The following YLPM1 variants were observed in gnomAD, a reference collection of about 807,000 sequenced individuals.
The protein encoded by YLPM1 is YLP motif-containing protein 1.
A neutral mutation model predicts 230.0 loss-of-function variants in YLPM1; 99 were observed. The observed-to-expected ratio is 0.43, with a 90% CI of 0.37 to 0.51. YLPM1 has a LOEUF of 0.51. YLPM1 is among the 20% of genes least tolerant of loss of function. The probability of loss-of-function intolerance (pLI) is 0.00; values close to 1 mark genes in which losing one functional copy is unlikely to be tolerated. For synonymous variants in YLPM1, 984 were observed against 942.5 expected (o/e 1.04, Z -0.81); for missense variants, 2,592 against 2,707.7 (o/e 0.96, Z 0.95).
chr14:74,806,417 C>G (rs2091378916), intron 6 of YLPM1, among the ~76,000 whole-genome samples: 1 of 152,060 alleles, frequency 6.6e-6, no homozygotes, highest in South Asian at 2.1e-4. Flanking sequence ...GAACCCTCGC[C>G]TCTACTAAAA....
intron 1 of YLPM1, among the ~76,000 whole-genome samples, chr14:74,765,826 A>G (rs939728871): frequency 1.3e-5 from 2 of 152,144 alleles, no homozygotes; most frequent in Non-Finnish European, 2.9e-5. Flanking sequence ...CCTTTTCTGT[A>G]ATGAACTCAG....
intron 1 of YLPM1, among the ~76,000 whole-genome samples, chr14:74,772,459 A>G (rs928016435): frequency 7.9e-5 from 12 of 151,840 alleles, no homozygotes; most frequent in African/African-American, 2.9e-4. Flanking sequence ...CCCAGGTTCA[A>G]GCGATTCTCC....
Position 74,810,351 on chromosome 14 carries a change from A to T in YLPM1, c.5159A>T (p.Asp1720Val). ...GATCGTGAGACACATAGAGATCGAG[A>T]CCGGGATCGTGGTGTTATTGACTAT... Reference protein sequence around the residue: ...KRDRETHRDRDRDRGVIDYDR... With the variant: ...KRDRETHRDRVRDRGVIDYDR... The change falls in exon 9 of 21, where the codon GAC becomes GTC. Residue 1720 changes from aspartate to valine, a missense_variant. Physicochemically the swap from Asp to Val is radical, Grantham distance 152. This residue lies in a region of YLPM1 where 403 missense variants were observed against 426.7 expected (regional missense o/e 0.94). Transcript: ENST00000325680. The T allele has an allele frequency of 6.2e-7, 1 of 1,613,874 alleles. No individual in the cohort carries two copies.
At chr14:74,769,850 C>T (rs746369412) in intron 1 of YLPM1, among the ~76,000 whole-genome samples, 102 of 97,280 alleles carry the variant, frequency 1.0e-3, no homozygotes, top group Non-Finnish European at 1.8e-3. Context: ...CAAAGTGAGA[C>T]ACCCCCCCCC....
rs762116413 is a variant in YLPM1, at chr14:74,799,012, C to T, written c.3715C>T (p.Leu1239=). 2.5e-6 allele frequency: 4 copies of T among 1,613,934 alleles called. No individual in the cohort carries two copies. The Middle Eastern group carries it at 4.9e-4, about 200-fold the overall frequency. The part of the protein sequence containing the change: ...ECERDYQDDT[L]ELYNREDRFS... ...TGAACGTGACTATCAAGATGATACA[C>T]TAGAGCTCTATAACAGAGAGGACAG... Residue 1239 remains leucine, a synonymous_variant, in exon 5 of 21, where the codon CTA becomes TTA. Coordinates refer to ENST00000325680, the MANE Select transcript of YLPM1 (RefSeq NM_019589.3).
intron 1 of YLPM1, among the ~76,000 whole-genome samples, chr14:74,777,754 T>C (rs2091056459): frequency 6.6e-6 from 1 of 151,542 alleles, no homozygotes; most frequent in Non-Finnish European, 1.5e-5. Flanking sequence ...GTAAGAGAAT[T>C]GCTTGAGCCC....
chr14:74,781,872 T>C lies in YLPM1; in HGVS notation c.1829T>C (p.Leu610Pro). ...CCACCAGTTCTTCCCCCACCATCTC[T>C]CTCTTCAACAGCACCTCCACCTGTC... ...GPPPVLPPPS[L>P]SSTAPPPVMP... is the part of the protein sequence containing the mutation. Residue 610 changes from leucine to proline, a missense_variant, in exon 4 of 21, where the codon CTC (leucine) becomes CCC (proline). Physicochemically the swap from Leu to Pro is moderately conservative, Grantham distance 98. Coordinates refer to ENST00000325680, the MANE Select transcript of YLPM1 (RefSeq NM_019589.3). 1 of 1,612,902 alleles carries C rather than the reference T, an allele frequency of 6.2e-7. No homozygotes were observed. The highest frequency in any genetic ancestry group is 1.3e-5 in the African/African-American group (1 of 74,640).
intron 18 of YLPM1, among the ~76,000 whole-genome samples, chr14:74,828,661 C>T (rs1236440419): frequency 6.6e-6 from 1 of 151,848 alleles, no homozygotes; most frequent in African/African-American, 2.4e-5. Flanking sequence ...ATATAGTCAG[C>T]TTTTTCATGA....
At chr14:74,793,880 C>G (rs183011529) in intron 4 of YLPM1, among the ~76,000 whole-genome samples, 1 of 152,300 alleles carries the variant, frequency 6.6e-6, no homozygotes, top group East Asian at 1.9e-4. Flanking sequence ...AGTTTTACTC[C>G]TTTCCTTCCC....
chr14:74,779,148 A>T (rs909753183), intron 2 of YLPM1, among the ~76,000 whole-genome samples: 23 of 151,792 alleles, frequency 1.5e-4, no homozygotes, highest in Admixed American at 1.2e-3. Flanking sequence ...GGCCTGTTGT[A>T]TCAGGTTTAG....
At chr14:74,828,124 C>T (rs549055043) in intron 18 of YLPM1, 5 of 518,280 alleles carry the variant, frequency 9.6e-6, no homozygotes, top group South Asian at 1.7e-4. Flanking sequence ...ATATTTGAAA[C>T]GTAAACTCAC....
At chr14:74,819,424 G>A (rs1408576657) in intron 16 of YLPM1, among the ~76,000 whole-genome samples, 3 of 151,794 alleles carry the variant, frequency 2.0e-5, no homozygotes, top group Non-Finnish European at 4.4e-5. Context: ...ACAGGCATGC[G>A]CCACCATGCC....
chr14:74,769,116 C>T (rs113925967), intron 1 of YLPM1, among the ~76,000 whole-genome samples: 22,079 of 150,740 alleles, frequency 0.15, 1,772 homozygotes, highest in South Asian at 0.29. Flanking sequence ...CGCTCTGTTG[C>T]CCAGGCTGGA....
intron 1 of YLPM1, among the ~76,000 whole-genome samples, chr14:74,774,812 G>A (rs2091017223): frequency 6.6e-6 from 1 of 152,104 alleles, no homozygotes; most frequent in Non-Finnish European, 1.5e-5. Context: ...CCAAAGTGCT[G>A]GGATTACAGG....
At chr14:74,773,711 C>CTTTTTTTTTT (rs766885242) in intron 1 of YLPM1, among the ~76,000 whole-genome samples, 23 of 60,564 alleles carry the variant, frequency 3.8e-4, no homozygotes, top group African/African-American at 5.3e-4. Flanking sequence ...TGTTTTCTTT[C>CTTTTTTTTTT]TTTTTTTTTT....
chr14:74,817,730 C>T (rs922325547), intron 15 of YLPM1, among the ~76,000 whole-genome samples: 2 of 151,852 alleles, frequency 1.3e-5, no homozygotes, highest in Admixed American at 6.6e-5. Context: ...TGTTTCTCTT[C>T]CTTTGTTTCT....
At chr14:74,835,645 T>C (rs1271846916) in intron 20 of YLPM1, 130 bp from the exon 21 acceptor site, 5 of 504,626 alleles carry the variant, frequency 9.9e-6, no homozygotes, top group Non-Finnish European at 1.4e-5. Context: ...GGCTCACTTA[T>C]AAAAATAAAA....
intron 18 of YLPM1, among the ~76,000 whole-genome samples, chr14:74,826,516 CAG>C (rs1314147726): frequency 5.3e-5 from 8 of 152,146 alleles, no homozygotes; most frequent in African/African-American, 1.4e-4. Flanking sequence ...GAATCTGAAA[CAG>C]AGGAATTTTG....
chr14:74,770,069 C>T (rs946278575), intron 1 of YLPM1, among the ~76,000 whole-genome samples: 1 of 151,680 alleles, frequency 6.6e-6, no homozygotes, highest in Non-Finnish European at 1.5e-5. Flanking sequence ...GTAGTCCCAA[C>T]TTCTCAGGAA....
Sources: allele counts gnomAD v4.1 joint callset (sites outside exome capture counted in the v4.1 genomes callset), GRCh38; gene constraint gnomAD v4.1.1; regional missense constraint gnomAD v4.1.1; transcripts MANE v1.5; gene names NCBI Gene and HGNC (gene_info 2026-07-23, HGNC 2026-07-21).